Variants in ANKMY2 observed in about 807,000 individuals in gnomAD.
ANKMY2 encodes the protein ankyrin repeat and MYND domain-containing protein 2.
A neutral mutation model predicts 50.4 loss-of-function variants in ANKMY2; 36 were observed. The observed-to-expected ratio is 0.71, with a 90% CI of 0.55 to 0.94. The LOEUF (loss-of-function observed/expected upper bound fraction) is 0.94. Ranked by LOEUF, ANKMY2 falls within the 40% of genes least tolerant of loss-of-function variation. ANKMY2 has a pLI of 0.00. For synonymous variants in ANKMY2, 187 were observed against 178.8 expected (o/e 1.05, Z -0.36); for missense variants, 565 against 524.0 (o/e 1.08, Z -0.76).
intron 9 of ANKMY2, among the ~76,000 whole-genome samples, chr7:16,601,413 G>C (rs1402995714): frequency 6.6e-6 from 1 of 152,226 alleles, no homozygotes; most frequent in East Asian, 1.9e-4. Context: ...CTTAACAACT[G>C]GGAGTGCCCA....
Position 16,636,397 on chromosome 7 carries a change from C to T in ANKMY2, c.126G>A (p.Leu42=). The part of the protein sequence containing the change: ...LSSKNVRVNC[L]DENGMTPLMH... The stretch of plus-strand genomic sequence containing the variant: ...TAAACTTCTAAAATCTTACCTCGTC[C>T]AAACAGTTGACACGAACATTCTTGC... The change falls in exon 2 of 10, where the codon TTG becomes TTA. Residue 42 remains leucine (L), a synonymous_variant. Coordinates refer to ENST00000306999, the MANE Select transcript of ANKMY2 (RefSeq NM_020319.3). The T allele has an allele frequency of 6.3e-7, 1 of 1,582,722 alleles. No homozygotes were observed. The highest frequency in any genetic ancestry group is 8.6e-7 in the Non-Finnish European group (1 of 1,163,692).
At position 16,615,827 on chromosome 7, in the gene ANKMY2, G is replaced by T; in HGVS notation, c.448C>A (p.Leu150Met). Reference protein sequence around the residue: ...RLDYYTKPQGLDKEPKLPPKL... With the variant: ...RLDYYTKPQGMDKEPKLPPKL... ...GGGGGCAGTTTTGGCTCTTTATCCAGTCCCTGGGGCTTAGTGTAATAATCC... is the reference window on the plus strand; with the variant it reads ...GGGGGCAGTTTTGGCTCTTTATCCATTCCCTGGGGCTTAGTGTAATAATCC... Residue 150 changes from leucine (L) to methionine (M), a missense_variant, in exon 5 of 10, where the codon CTG becomes ATG. Leu to Met is a conservative substitution (Grantham distance 15). Transcript: ENST00000306999. The T allele has an allele frequency of 6.2e-7, 1 of 1,614,178 alleles. No homozygotes were observed. The highest frequency in any genetic ancestry group is 8.5e-7 in the Non-Finnish European group (1 of 1,180,048).
chr7:16,617,917 G>GTTTTTTTTTTTT (rs780533044), intron 4 of ANKMY2, among the ~76,000 whole-genome samples: 16 of 110,904 alleles, frequency 1.4e-4, no homozygotes, highest in African/African-American at 5.6e-4. Context: ...CAGTGAGCGT[G>GTTTTTTTTTTTT]TTTTTTTTTT....
Position 16,607,839 on chromosome 7 carries a change from G to A in ANKMY2, c.882+1791C>T, listed in dbSNP as rs554317072. Reference sequence around the variant, plus strand: ...AATTCTCCCAGCTTCCTCAGTAACAGAAGTGTAATTTTGTTCAGAGGAGGA... The same window carrying A: ...AATTCTCCCAGCTTCCTCAGTAACAAAAGTGTAATTTTGTTCAGAGGAGGA... On this transcript the variant is annotated intron_variant, in intron 7 of 9. Transcript: ENST00000306999. Among the ~76,000 whole-genome samples, 160 of 151,784 alleles carry A rather than the reference G, an allele frequency of 1.1e-3. 1 individual carries two copies. Among genetic ancestry groups the A allele is most frequent in the African/African-American group, 3.7e-3 (153 of 41,384 alleles).
intron 3 of ANKMY2, 133 bp downstream of exon 3, chr7:16,626,907 A>C: frequency 1.4e-6 from 1 of 690,988 alleles, no homozygotes; most frequent in Non-Finnish European, 2.1e-6. Context: ...TTCAAAAACC[A>C]ATTGCCATCA....
intron 4 of ANKMY2, among the ~76,000 whole-genome samples, chr7:16,620,711 C>T (rs1781423466): frequency 6.6e-6 from 1 of 151,962 alleles, no homozygotes; most frequent in Admixed American, 6.6e-5. Context: ...TCAGTAATTA[C>T]ATTAAATATA....
At chr7:16,638,618 T>C (rs910948157) in intron 1 of ANKMY2, among the ~76,000 whole-genome samples, 4 of 152,332 alleles carry the variant, frequency 2.6e-5, no homozygotes, top group East Asian at 1.9e-4. Flanking sequence ...TGACCTATTA[T>C]TAAGTCAGTC....
chr7:16,615,822 A>G lies in ANKMY2; in HGVS notation c.453T>C (p.Asp151=), dbSNP rs763857176. ...ACTTTGGGGGCAGTTTTGGCTCTTTATCCAGTCCCTGGGGCTTAGTGTAAT... is the reference window on the plus strand; with the variant it reads ...ACTTTGGGGGCAGTTTTGGCTCTTTGTCCAGTCCCTGGGGCTTAGTGTAAT... ...LDYYTKPQGL[D]KEPKLPPKLA... The change falls in exon 5 of 10, where the codon GAT becomes GAC. Residue 151 remains aspartate, a synonymous_variant. Transcript: ENST00000306999. 1.2e-6 allele frequency: 2 copies of G among 1,614,224 alleles called. No individual in the cohort carries two copies. Among genetic ancestry groups the G allele is most frequent in the East Asian group, 4.5e-5 (2 of 44,884 alleles).
chr7:16,622,164 G>C (rs546989284), intron 4 of ANKMY2, among the ~76,000 whole-genome samples: 100 of 152,180 alleles, frequency 6.6e-4, no homozygotes, highest in Non-Finnish European at 9.4e-4. Flanking sequence ...ACATTTGTTA[G>C]ATAATGGATT....
chr7:16,616,590 C>T (rs539729576), intron 4 of ANKMY2, among the ~76,000 whole-genome samples: 158 of 152,286 alleles, frequency 1.0e-3, no homozygotes, highest in Admixed American at 1.6e-3. Context: ...CTCCCTAGCT[C>T]CCTCTCCACT....
At chr7:16,607,136 T>C (rs978103077) in intron 7 of ANKMY2, among the ~76,000 whole-genome samples, 2 of 152,228 alleles carry the variant, frequency 1.3e-5, no homozygotes, top group African/African-American at 4.8e-5. Context: ...GGATGAAGTC[T>C]TCCAGACAGA....
At chr7:16,637,692 T>C (rs965141687) in intron 1 of ANKMY2, among the ~76,000 whole-genome samples, 8 of 152,226 alleles carry the variant, frequency 5.3e-5, no homozygotes, top group African/African-American at 1.9e-4. Flanking sequence ...TATCTGTGTC[T>C]TCTCATCAGA....
rs377659277 is a variant in ANKMY2, at chr7:16,602,230, G to A, written c.1141+150C>T. 2.0e-4 allele frequency: 187 copies of A among 925,562 alleles called. No homozygotes were observed. The African/African-American group carries it at 2.2e-3, about 11-fold the overall frequency. The allele number at this position is 925,562 out of a possible 1,614,324, so 57.3% of individuals were successfully genotyped here. On this transcript the variant is annotated intron_variant, in intron 9 of 9. Transcript: ENST00000306999. ...GACTATATCCTAAGAACTTAAAAAC[G>A]GGACACATTAAAATTTAAATGTGAT...
chr7:16,632,630 C>T (rs571725297), intron 2 of ANKMY2, among the ~76,000 whole-genome samples: 1 of 152,262 alleles, frequency 6.6e-6, no homozygotes, highest in East Asian at 1.9e-4. Flanking sequence ...TAGGATTATA[C>T]TATATTTTGT....
intron 5 of ANKMY2, among the ~76,000 whole-genome samples, chr7:16,613,740 A>G (rs542690392): frequency 6.6e-6 from 1 of 152,128 alleles, no homozygotes; most frequent in South Asian, 2.1e-4. Context: ...TTATTCCATA[A>G]GCCTGGCCAA....
At chr7:16,637,600 T>C (rs1313177277) in intron 1 of ANKMY2, among the ~76,000 whole-genome samples, 2 of 152,208 alleles carry the variant, frequency 1.3e-5, no homozygotes, top group Non-Finnish European at 2.9e-5. Flanking sequence ...AAGCAGTTAG[T>C]ATCACTGGCT....
intron 2 of ANKMY2, among the ~76,000 whole-genome samples, chr7:16,631,111 G>A (rs929976453): frequency 6.6e-6 from 1 of 152,190 alleles, no homozygotes; most frequent in African/African-American, 2.4e-5. Flanking sequence ...TAATTTGTTA[G>A]TTTATACCAT....
chr7:16,627,107 A>T lies in ANKMY2; in HGVS notation c.204T>A (p.His68Gln). 6.2e-7 allele frequency: 1 copy of T among 1,612,870 alleles called. No homozygotes were observed. Among genetic ancestry groups the T allele is most frequent in the Non-Finnish European group, 8.5e-7 (1 of 1,179,320 alleles). The change falls in exon 3 of 10, where the codon CAT (histidine) becomes CAA (glutamine). Residue 68 changes from histidine to glutamine, a missense_variant. Physicochemically the swap from His to Gln is conservative, Grantham distance 24. Coordinates refer to ENST00000306999, the MANE Select transcript of ANKMY2 (RefSeq NM_020319.3). Reference sequence around the variant, plus strand: ...GCTGATGACAATTTACATCGGCTCCATGTCGCAGTAGTAATTTGCACATAT... The same window carrying T: ...GCTGATGACAATTTACATCGGCTCCTTGTCGCAGTAGTAATTTGCACATAT... ...KLDMCKLLLRHGADVNCHQHE... is the reference protein window; with the variant it reads ...KLDMCKLLLRQGADVNCHQHE...
At chr7:16,604,563 C>G (rs1158727174) in intron 8 of ANKMY2, among the ~76,000 whole-genome samples, 158 bp downstream of exon 8, 3 of 152,174 alleles carry the variant, frequency 2.0e-5, no homozygotes, top group Non-Finnish European at 2.9e-5. Flanking sequence ...CCTATTAATT[C>G]TTTTCCAAAA....
Sources: gnomAD v4.1 joint callset for allele counts (sites outside exome capture counted in the v4.1 genomes callset) on GRCh38, gnomAD v4.1.1 for gene constraint, MANE v1.5 for transcripts, NCBI Gene and HGNC (gene_info 2026-07-23, HGNC 2026-07-21) for gene names.